The following CABLES1 variants were observed in gnomAD, a reference collection of about 807,000 sequenced individuals.
CABLES1 encodes CDK5 and ABL1 enzyme substrate 1.
Under a neutral mutation model 57.8 loss-of-function variants are expected in CABLES1, and 36 were observed. The observed-to-expected ratio is 0.62, with a 90% CI of 0.48 to 0.82. CABLES1 has a LOEUF of 0.82. CABLES1 is among the 40% of genes least tolerant of loss of function. The pLI is 0.00. For synonymous variants in CABLES1, 374 were observed against 363.0 expected (o/e 1.03, Z -0.35); for missense variants, 767 against 836.6 (o/e 0.92, Z 1.03).
chr18:23,182,198 T>C (rs1276834652), intron 1 of CABLES1, among the ~76,000 whole-genome samples: 1 of 152,178 alleles, frequency 6.6e-6, no homozygotes, highest in East Asian at 1.9e-4. Context: ...GTAATGTGCA[T>C]ATATTATACA....
chr18:23,184,122 C>G (rs1408346695), intron 1 of CABLES1, among the ~76,000 whole-genome samples: 1 of 152,154 alleles, frequency 6.6e-6, no homozygotes, highest in East Asian at 1.9e-4. Flanking sequence ...TTTACAGTGA[C>G]TGGTGGTAGT....
intron 1 of CABLES1, chr18:23,155,806 A>G: frequency 6.3e-7 from 1 of 1,593,360 alleles, no homozygotes; most frequent in Non-Finnish European, 8.5e-7. Flanking sequence ...TGGTCTCAAC[A>G]GTGCTTGCTT....
intron 4 of CABLES1, among the ~76,000 whole-genome samples, chr18:23,216,802 A>G (rs955813795): frequency 3.9e-5 from 6 of 152,262 alleles, no homozygotes; most frequent in Non-Finnish European, 8.8e-5. Context: ...ATCTCAGGGA[A>G]ATGCTAGGTG....
At chr18:23,252,487 C>T (rs1377066547) in intron 7 of CABLES1, among the ~76,000 whole-genome samples, 2 of 152,208 alleles carry the variant, frequency 1.3e-5, no homozygotes, top group African/African-American at 2.4e-5. Context: ...TCTCAGAAAG[C>T]TGCGTGAAGT....
chr18:23,173,348 A>G (rs571689748), intron 1 of CABLES1, among the ~76,000 whole-genome samples: 1 of 152,302 alleles, frequency 6.6e-6, no homozygotes, highest in Non-Finnish European at 1.5e-5. Flanking sequence ...CTCTGAAATG[A>G]CAGTGTCTGG....
intron 7 of CABLES1, among the ~76,000 whole-genome samples, chr18:23,246,301 T>C (rs1381889036): frequency 1.3e-5 from 2 of 151,626 alleles, no homozygotes; most frequent in Non-Finnish European, 2.9e-5. Context: ...ACTCAGACTG[T>C]CCCAGGCCAA....
intron 4 of CABLES1, among the ~76,000 whole-genome samples, chr18:23,216,636 T>C (rs1229395263): frequency 6.6e-6 from 1 of 152,228 alleles, no homozygotes; most frequent in Admixed American, 6.5e-5. Flanking sequence ...CTCTGTAGAA[T>C]GGGGAAGTTT....
chr18:23,187,171 A>G (rs1171961114), intron 1 of CABLES1, among the ~76,000 whole-genome samples: 2 of 152,202 alleles, frequency 1.3e-5, no homozygotes, highest in African/African-American at 2.4e-5. Context: ...TGCCTCCTCC[A>G]TAGCTCTGGC....
chr18:23,194,507 A>G lies in CABLES1; in HGVS notation c.977A>G (p.Lys326Arg). 6.2e-7 allele frequency: 1 copy of G among 1,613,440 alleles called. No individual in the cohort carries two copies. ...AATTTTAAGAAGATTCATTTTATCAAGAACATGCGGCAACACGATACCAGG... is the reference window on the plus strand; with the variant it reads ...AATTTTAAGAAGATTCATTTTATCAGGAACATGCGGCAACACGATACCAGG... ...PKNFKKIHFI[K>R]NMRQHDTRNG... is the part of the protein sequence containing the mutation. The change falls in exon 3 of 10, where the codon AAG becomes AGG. Residue 326 changes from lysine (K) to arginine (R), a missense_variant. Transcript: ENST00000256925.
At chr18:23,183,634 A>G (rs923612310) in intron 1 of CABLES1, among the ~76,000 whole-genome samples, 1 of 152,192 alleles carries the variant, frequency 6.6e-6, no homozygotes, top group Non-Finnish European at 1.5e-5. Context: ...TGAAGACTAG[A>G]CATACACACT....
intron 2 of CABLES1, among the ~76,000 whole-genome samples, chr18:23,190,133 G>A (rs1236017051): frequency 6.6e-6 from 1 of 152,196 alleles, no homozygotes; most frequent in African/African-American, 2.4e-5. Flanking sequence ...CCATTTCCCT[G>A]CAGGAGTCAT....
intron 1 of CABLES1, among the ~76,000 whole-genome samples, chr18:23,141,764 G>A (rs1205702118): frequency 6.6e-6 from 1 of 152,116 alleles, no homozygotes; most frequent in African/African-American, 2.4e-5. Flanking sequence ...GAGCTCAAGG[G>A]TGAGCTTTTG....
intron 7 of CABLES1, among the ~76,000 whole-genome samples, chr18:23,248,782 A>G (rs960864757): frequency 1.3e-5 from 2 of 152,308 alleles, no homozygotes; most frequent in South Asian, 2.1e-4. Context: ...CTGAGATCAC[A>G]CCATTGCACT....
In CABLES1 at chr18:23,183,324, T is replaced by C. The variant is rs555836350; in HGVS notation, c.846-5514T>C. On this transcript the variant is annotated intron_variant, in intron 1 of 9. Transcript: ENST00000256925. ...AGTGAACTTATTCTAACAGTACCCT[T>C]GTGACCAGCCCTGCGTCCCGGGAGT... Among the ~76,000 whole-genome samples, 62 of 152,320 alleles carry C rather than the reference T, an allele frequency of 4.1e-4. 1 individual carries two copies. The highest frequency in any genetic ancestry group is 1.3e-3 in the African/African-American group (53 of 41,572).
At chr18:23,170,446 A>T (rs1023018526) in intron 1 of CABLES1, among the ~76,000 whole-genome samples, 11 of 151,986 alleles carry the variant, frequency 7.2e-5, no homozygotes, top group Admixed American at 2.0e-4. Context: ...GTTGCTTCTG[A>T]GCTTGACGTG....
chr18:23,208,854 C>T (rs1427427134), intron 3 of CABLES1, among the ~76,000 whole-genome samples: 2 of 152,238 alleles, frequency 1.3e-5, no homozygotes, highest in African/African-American at 4.8e-5. Flanking sequence ...CTGGTGAGCC[C>T]TGGTGTCCTT....
intron 1 of CABLES1, among the ~76,000 whole-genome samples, chr18:23,170,126 C>T (rs981294927): frequency 2.0e-5 from 3 of 152,182 alleles, no homozygotes; most frequent in African/African-American, 2.4e-5. Context: ...TTCCATCCCC[C>T]GGCCATGTGG....
chr18:23,175,081 A>G (rs2047113773), intron 1 of CABLES1, among the ~76,000 whole-genome samples: 1 of 151,834 alleles, frequency 6.6e-6, no homozygotes, highest in Non-Finnish European at 1.5e-5. Context: ...ATCTCTTTCA[A>G]TGGTGATTAT....
At chr18:23,169,457 C>G (rs987473292) in intron 1 of CABLES1, among the ~76,000 whole-genome samples, 1 of 152,210 alleles carries the variant, frequency 6.6e-6, no homozygotes, top group Non-Finnish European at 1.5e-5. Flanking sequence ...TCCCAGCCAC[C>G]TGAAGACCCG....
Sources: gnomAD v4.1 joint callset for allele counts (sites outside exome capture counted in the v4.1 genomes callset) on GRCh38, gnomAD v4.1.1 for gene constraint, MANE v1.5 for transcripts, NCBI Gene and HGNC (gene_info 2026-07-23, HGNC 2026-07-21) for gene names.